PKIB: variants seen among roughly 807,000 people sequenced by gnomAD.
PKIB encodes the protein cAMP-dependent protein kinase inhibitor beta.
A neutral mutation model predicts 4.5 loss-of-function variants in PKIB; 2 were observed. The ratio of observed to expected loss-of-function variants is 0.44; its 90% CI spans 0.18 to 1.39. The LOEUF (loss-of-function observed/expected upper bound fraction) is 1.39. Among genes scored for constraint, PKIB ranks in the 40% most tolerant of loss-of-function variants. The pLI, the probability that PKIB is intolerant of heterozygous loss-of-function variation, is 0.27. For missense variants in PKIB, 94 were observed against 92.6 expected (o/e 1.02, Z -0.06); for synonymous variants, 38 against 36.0 (o/e 1.06, Z -0.20).
intron 2 of PKIB, among the ~76,000 whole-genome samples, chr6:122,509,333 T>A (rs955256815): frequency 2.0e-5 from 3 of 152,218 alleles, no homozygotes; most frequent in Admixed American, 6.5e-5. Flanking sequence ...AATTAATAAA[T>A]GCTTGTTTAA....
intron 2 of PKIB, among the ~76,000 whole-genome samples, chr6:122,562,193 T>G (rs1773057060): frequency 6.6e-6 from 1 of 152,010 alleles, no homozygotes; most frequent in African/African-American, 2.4e-5. Flanking sequence ...TGAAAACGAC[T>G]GTATCTTTCC....
At chr6:122,498,611 A>G (rs1223110563) in intron 2 of PKIB, among the ~76,000 whole-genome samples, 1 of 152,266 alleles carries the variant, frequency 6.6e-6, no homozygotes, top group Non-Finnish European at 1.5e-5. Flanking sequence ...GCCTACATCA[A>G]GACTTTAGAA....
chr6:122,539,420 TCTGCATCTATTGA>T (rs1487598590), intron 2 of PKIB, among the ~76,000 whole-genome samples: 1 of 152,090 alleles, frequency 6.6e-6, no homozygotes, highest in East Asian at 1.9e-4. Context: ...AAAGGCCTTT[TCTGCATCTATTGA>T]GATAATCATG....
chr6:122,717,767 T>C lies in PKIB; in HGVS notation c.-8-20T>C. 1 of 1,611,834 alleles carries C rather than the reference T, an allele frequency of 6.2e-7. No individual in the cohort carries two copies. Among genetic ancestry groups the C allele is most frequent in the Non-Finnish European group, 8.5e-7 (1 of 1,178,274 alleles). ...CTTCTGAATAGGCTCATCTTCTTCA[T>C]ATGCACATTCTATTTGTAGATGTTG... On this transcript the variant is annotated intron_variant, in intron 3 of 4. Coordinates refer to ENST00000368452, the MANE Select transcript of PKIB (RefSeq NM_181795.3).
intron 3 of PKIB, among the ~76,000 whole-genome samples, chr6:122,682,702 G>A (rs978290622): frequency 2.0e-4 from 30 of 151,972 alleles, no homozygotes; most frequent in Admixed American, 2.6e-4. Flanking sequence ...TGCTGCTCTG[G>A]TCTCTCTGCT....
intron 2 of PKIB, among the ~76,000 whole-genome samples, chr6:122,563,349 C>T (rs1232815820): frequency 6.6e-6 from 1 of 152,048 alleles, no homozygotes; most frequent in Non-Finnish European, 1.5e-5. Context: ...TGTCTCAGTG[C>T]CTGTTCTGGT....
At chr6:122,570,773 G>T (rs1173091497) in intron 2 of PKIB, among the ~76,000 whole-genome samples, 1 of 151,970 alleles carries the variant, frequency 6.6e-6, no homozygotes, top group Non-Finnish European at 1.5e-5. Context: ...ATAAATTCAA[G>T]AAAATTTTGA....
chr6:122,516,933 A>G (rs959692513), intron 2 of PKIB, among the ~76,000 whole-genome samples: 1 of 152,136 alleles, frequency 6.6e-6, no homozygotes, highest in Non-Finnish European at 1.5e-5. Context: ...CAGGTACCCA[A>G]TTCTAATTCT....
At chr6:122,722,774 TC>T (rs1478260358) in intron 4 of PKIB, among the ~76,000 whole-genome samples, 1 of 152,166 alleles carries the variant, frequency 6.6e-6, no homozygotes, top group African/African-American at 2.4e-5. Context: ...CCAGCTACTG[TC>T]CTAGTTCTCC....
Position 122,695,293 on chromosome 6 carries a change from A to T in PKIB, c.-9+20149A>T, listed in dbSNP as rs9388117. On this transcript the variant is annotated intron_variant, in intron 3 of 4. Coordinates refer to ENST00000368452, the MANE Select transcript of PKIB (RefSeq NM_181795.3). ...TAGATAGGATTATACCACCAATGAGAGAAGTATTTGTTTCTGTTTTATTCT... is the reference window on the plus strand; with the variant it reads ...TAGATAGGATTATACCACCAATGAGTGAAGTATTTGTTTCTGTTTTATTCT... Among the ~76,000 whole-genome samples the T allele has an allele frequency of 5.9e-5, 9 of 151,976 alleles. No homozygotes were observed. In the East Asian group the frequency reaches 7.7e-4, roughly 13 times the overall value.
intron 2 of PKIB, among the ~76,000 whole-genome samples, chr6:122,498,179 G>A (rs1284874251): frequency 2.0e-5 from 3 of 152,186 alleles, no homozygotes; most frequent in African/African-American, 4.8e-5. Flanking sequence ...CAAAAGAAAG[G>A]TGTATTGGAC....
intron 2 of PKIB, among the ~76,000 whole-genome samples, chr6:122,525,765 G>A (rs1003777932): frequency 1.3e-5 from 2 of 152,116 alleles, no homozygotes; most frequent in Non-Finnish European, 2.9e-5. Flanking sequence ...GATGGTTGCT[G>A]ACTGATCAGG....
chr6:122,623,062 T>C (rs1382494411), intron 1 of PKIB, among the ~76,000 whole-genome samples: 1 of 152,228 alleles, frequency 6.6e-6, no homozygotes, highest in African/African-American at 2.4e-5. Flanking sequence ...CAAACATTTA[T>C]GTTTGAGAAA....
At chr6:122,696,774 C>T (rs1228762120) in intron 3 of PKIB, among the ~76,000 whole-genome samples, 1 of 152,162 alleles carries the variant, frequency 6.6e-6, no homozygotes, top group Non-Finnish European at 1.5e-5. Flanking sequence ...GCAGTGGATC[C>T]CTGTGCACAC....
intron 3 of PKIB, among the ~76,000 whole-genome samples, chr6:122,587,358 A>T (rs1773881616): frequency 6.6e-6 from 1 of 152,076 alleles, no homozygotes; most frequent in African/African-American, 2.4e-5. Context: ...ACATGAACTC[A>T]TCCTTTTTTA....
Position 122,504,736 on chromosome 6 carries a change from T to C in PKIB, c.-248+26797T>C, listed in dbSNP as rs917575057. Among the ~76,000 whole-genome samples, 39 of 152,230 alleles carry C rather than the reference T, an allele frequency of 2.6e-4. 1 individual carries two copies. The highest frequency in any genetic ancestry group is 9.2e-4 in the African/African-American group (38 of 41,456). On this transcript the variant is annotated intron_variant, in intron 2 of 6. Coordinates refer to the PKIB transcript ENST00000392491. ...TTGTATTTTGTTATAGACATCCTTA[T>C]ATAGTTTATCTACTGAAGGATAATC...
At chr6:122,621,716 T>C (rs1412605605) in intron 1 of PKIB, among the ~76,000 whole-genome samples, 1 of 152,214 alleles carries the variant, frequency 6.6e-6, no homozygotes, top group Non-Finnish European at 1.5e-5. Context: ...GGAAATTTGA[T>C]AGGAAATAGA....
At chr6:122,538,341 G>T (rs768856206) in intron 2 of PKIB, among the ~76,000 whole-genome samples, 2 of 152,030 alleles carry the variant, frequency 1.3e-5, no homozygotes, top group Admixed American at 1.3e-4. Context: ...AATCCATCTT[G>T]AATTAATTTT....
chr6:122,561,994 G>GTTTTTTTTTTTTTTTT lies in PKIB; in HGVS notation c.-247-23918_-247-23917insTTTTTTTTTTTTTTTT. On this transcript the variant is annotated intron_variant, in intron 2 of 6. Transcript: ENST00000392491. The stretch of plus-strand genomic sequence containing the variant: ...GCATAGTTTTTTTTTGTTTGTTTTT[G>GTTTTTTTTTTTTTTTT]TTTTTTTTTGTTTTTTTTTTTTTTT... Among the ~76,000 whole-genome samples the GTTTTTTTTTTTTTTTT allele has an allele frequency of 1.4e-3, 57 of 40,878 alleles. 4 individuals are homozygous for GTTTTTTTTTTTTTTTT. The highest frequency in any genetic ancestry group is 2.7e-3 in the South Asian group (2 of 744). 26.8% of individuals were successfully genotyped at this position (40,878 alleles called of 152,430 possible).
Sources: gnomAD v4.1 joint callset for allele counts (sites outside exome capture counted in the v4.1 genomes callset) on GRCh38, gnomAD v4.1.1 for gene constraint, MANE v1.5 for transcripts, NCBI Gene and HGNC (gene_info 2026-07-23, HGNC 2026-07-21) for gene names.